The following PPP2R2C variants were observed in gnomAD, a reference collection of about 807,000 sequenced individuals.
PPP2R2C encodes protein phosphatase 2, regulatory subunit B, gamma.
A neutral mutation model predicts 45.3 loss-of-function variants in PPP2R2C; 10 were observed. That is an observed-to-expected ratio of 0.22 (90% CI 0.14 to 0.37). PPP2R2C has a LOEUF of 0.37. Among genes scored for constraint, PPP2R2C ranks in the 10% least tolerant of loss-of-function variants. The pLI is 1.00. For synonymous variants in PPP2R2C, 257 were observed against 245.4 expected (o/e 1.05, Z -0.44); for missense variants, 308 against 619.7 (o/e 0.50, Z 5.34).
At position 6,471,226 on chromosome 4, in the gene PPP2R2C, G is replaced by T. The variant is rs867676889; in HGVS notation, c.70+934C>A. Among the ~76,000 whole-genome samples the T allele has an allele frequency of 3.3e-5, 5 of 152,080 alleles. No homozygotes were observed. The South Asian group carries it at 1.0e-3, about 32-fold the overall frequency. ...GCCGCCAGCCCGTGGGTTAGCGGCT[G>T]ACAGTCCCCGCACTCGGGCAGGGCT... On this transcript the variant is annotated intron_variant, in intron 1 of 8. Transcript: ENST00000382599. The surrounding 1 kb of genome is among the most constrained non-coding windows in gnomAD (Gnocchi z 5.6).
chr4:6,512,461 GTGATTA>G (rs1723657765), intron 2 of PPP2R2C, among the ~76,000 whole-genome samples: 2 of 125,578 alleles, frequency 1.6e-5, no homozygotes, highest in Non-Finnish European at 3.4e-5. Flanking sequence ...GGTGGTGGTG[GTGATTA>G]TGGTGGTAGT....
At chr4:6,373,821 G>A (rs998684337) in intron 4 of PPP2R2C, among the ~76,000 whole-genome samples, 1 of 152,186 alleles carries the variant, frequency 6.6e-6, no homozygotes, top group Non-Finnish European at 1.5e-5. Context: ...GTGCATGGCT[G>A]AGAGTTCATG....
intron 1 of PPP2R2C, among the ~76,000 whole-genome samples, chr4:6,539,250 G>A (rs1240406369): frequency 2.0e-5 from 3 of 152,180 alleles, no homozygotes; most frequent in Admixed American, 6.5e-5. Context: ...CCACAAGCCA[G>A]GGAGTGGCAC....
intron 5 of PPP2R2C, among the ~76,000 whole-genome samples, chr4:6,356,015 A>AAAAAAAAAC: frequency 7.6e-6 from 1 of 131,792 alleles, no homozygotes; most frequent in Non-Finnish European, 1.7e-5. Flanking sequence ...AAAAAAAAAA[A>AAAAAAAAAC]AGAGCACTGT....
intron 1 of PPP2R2C, among the ~76,000 whole-genome samples, chr4:6,556,945 G>A (rs1034268162): frequency 6.6e-6 from 1 of 152,126 alleles, no homozygotes; most frequent in Non-Finnish European, 1.5e-5. Flanking sequence ...CCTCCTGTGG[G>A]CAAAACCCAC....
At chr4:6,382,439 G>A (rs376168998) in intron 1 of PPP2R2C, 28 of 1,351,936 alleles carry the variant, frequency 2.1e-5, no homozygotes, top group Middle Eastern at 4.2e-4. Flanking sequence ...TCCCTCTGGC[G>A]GCCAACGTGA....
chr4:6,554,949 A>AAG lies in PPP2R2C; in HGVS notation c.-59+8609_-59+8610dup, dbSNP rs1451420376. 1.9e-3 allele frequency among the ~76,000 whole-genome samples: 272 copies of AAG among 142,870 alleles called. 8 individuals carry two copies. In the South Asian group the frequency reaches 0.024, roughly 13 times the overall value. 93.7% of individuals were successfully genotyped at this position (142,870 alleles called of 152,430 possible). A position where few individuals can be genotyped will look rare whatever the true frequency, so the allele number is the denominator to read the frequency against. Reference sequence around the variant, plus strand: ...AAGGAAGGAAAGAAAGAAAGAAAGAAAGAAAGAAAGAAAGAAAGAGAAAGA... The same window carrying AAG: ...AAGGAAGGAAAGAAAGAAAGAAAGAAAGAGAAAGAAAGAAAGAAAGAGAAAGA... On this transcript the variant is annotated intron_variant, in intron 1 of 9. Transcript: ENST00000506140.
rs34286120 is a variant in PPP2R2C at position 6,512,500 on chromosome 4, G to A, written c.49+22771C>T. 9.6e-4 allele frequency among the ~76,000 whole-genome samples: 91 copies of A among 94,742 alleles called. 2 individuals are homozygous for A. The highest frequency in any genetic ancestry group is 1.3e-3 in the South Asian group (3 of 2,260). 62.2% of individuals were successfully genotyped at this position (94,742 alleles called of 152,430 possible). On this transcript the variant is annotated intron_variant, in intron 2 of 9. Coordinates refer to the PPP2R2C transcript ENST00000506140. ...AGTGGTGGTGATGGTGATGGTGGTG[G>A]TGGTGGTGATGTTGGTGGTGGTGGT...
intron 5 of PPP2R2C, among the ~76,000 whole-genome samples, chr4:6,360,414 GA>G (rs748978091): frequency 5.9e-5 from 9 of 152,234 alleles, no homozygotes; most frequent in Non-Finnish European, 8.8e-5. Context: ...CCATGAGAAA[GA>G]GGGCTGCAGC....
intron 2 of PPP2R2C, among the ~76,000 whole-genome samples, chr4:6,483,108 T>C (rs979996569): frequency 8.3e-6 from 1 of 121,186 alleles, no homozygotes; most frequent in African/African-American, 3.1e-5. Flanking sequence ...GACTGATAGA[T>C]AAATGGATAG....
At chr4:6,421,791 A>G (rs1471963497) in intron 1 of PPP2R2C, among the ~76,000 whole-genome samples, 1 of 152,188 alleles carries the variant, frequency 6.6e-6, no homozygotes, top group African/African-American at 2.4e-5. Context: ...CTGCCCACCC[A>G]CTTCACAGTT....
chr4:6,479,229 C>T (rs368214727), intron 2 of PPP2R2C, among the ~76,000 whole-genome samples: 2 of 152,206 alleles, frequency 1.3e-5, no homozygotes, highest in East Asian at 3.8e-4. Context: ...TATAATACAG[C>T]AGCTAGCTGT....
intron 7 of PPP2R2C, 50 bp downstream of exon 7, chr4:6,333,512 G>A (rs1732584545): frequency 3.8e-6 from 6 of 1,592,970 alleles, no homozygotes; most frequent in Non-Finnish European, 5.1e-6. Flanking sequence ...GGGGATCTCA[G>A]CATAGGGAAA....
chr4:6,390,546 CGGCG>C (rs1373476459), intron 1 of PPP2R2C, among the ~76,000 whole-genome samples: 15 of 152,220 alleles, frequency 9.9e-5, no homozygotes, highest in Non-Finnish European at 1.8e-4. Flanking sequence ...GCACGCCGGG[CGGCG>C]GGCGCATGGG....
chr4:6,326,667 A>T (rs1731967900), intron 8 of PPP2R2C, among the ~76,000 whole-genome samples: 1 of 152,214 alleles, frequency 6.6e-6, no homozygotes, highest in African/African-American at 2.4e-5. Context: ...GTTTCCTAGA[A>T]CCACTTTCCA....
At chr4:6,448,841 C>A (rs541992759) in intron 1 of PPP2R2C, among the ~76,000 whole-genome samples, 1 of 152,354 alleles carries the variant, frequency 6.6e-6, no homozygotes, top group Admixed American at 6.5e-5. Flanking sequence ...CAATGAGCCA[C>A]CTGCACGAAG....
intron 1 of PPP2R2C, among the ~76,000 whole-genome samples, chr4:6,403,467 G>A (rs1024295425): frequency 3.3e-5 from 5 of 152,196 alleles, no homozygotes; most frequent in South Asian, 2.1e-4. Context: ...GAGGCTGTGC[G>A]CCAGGGGTTG....
chr4:6,536,870 TGA>T (rs1724635619), intron 1 of PPP2R2C, among the ~76,000 whole-genome samples: 2 of 152,186 alleles, frequency 1.3e-5, no homozygotes, highest in African/African-American at 4.8e-5. Context: ...AAGCAACTGT[TGA>T]ACAGGATGAG....
intron 2 of PPP2R2C, among the ~76,000 whole-genome samples, chr4:6,519,123 G>A (rs902639130): frequency 6.6e-6 from 1 of 152,062 alleles, no homozygotes; most frequent in Non-Finnish European, 1.5e-5. Context: ...AGAGGATAGT[G>A]AGCAGACTCC....
Sources: allele counts gnomAD v4.1 joint callset (sites outside exome capture counted in the v4.1 genomes callset), GRCh38; gene constraint gnomAD v4.1.1; non-coding constraint Gnocchi (gnomAD v3.1); transcripts MANE v1.5; gene names NCBI Gene and HGNC (gene_info 2026-07-23, HGNC 2026-07-21).